SEMA6A: variants seen among roughly 807,000 people sequenced by gnomAD.
SEMA6A encodes semaphorin 6A.
A neutral mutation model predicts 96.8 loss-of-function variants in SEMA6A; 25 were observed. That is an observed-to-expected ratio of 0.26 (90% CI 0.19 to 0.36). The LOEUF is 0.36. Ranked by LOEUF, SEMA6A falls within the 10% of genes least tolerant of loss-of-function variation. The pLI is 1.00. For missense variants in SEMA6A, 1,363 were observed against 1,323.1 expected, an observed-to-expected ratio of 1.03 and a Z score of -0.47; for synonymous variants, 612 against 518.0, an observed-to-expected ratio of 1.18 and a Z score of -2.46.
Position 116,559,829 on chromosome 5 carries a change from C to T in SEMA6A, c.-39+14356G>A, listed in dbSNP as rs185319655. Reference sequence around the variant, plus strand: ...CTGGCCTCAAATCCTGTTGGCTGTACCATGCCAACATACCCAGAATCTGTT... The same window carrying T: ...CTGGCCTCAAATCCTGTTGGCTGTATCATGCCAACATACCCAGAATCTGTT... On this transcript the variant is annotated intron_variant, in intron 1 of 18. Coordinates refer to ENST00000343348, the MANE Select transcript of SEMA6A (RefSeq NM_020796.5). 4.6e-5 allele frequency among the ~76,000 whole-genome samples: 7 copies of T among 152,314 alleles called. No individual in the cohort carries two copies. In the East Asian group the frequency reaches 1.4e-3, roughly 29 times the overall value.
intron 16 of SEMA6A, 52 bp from the exon 17 acceptor site, chr5:116,473,145 G>C (rs1756252870): frequency 6.4e-7 from 1 of 1,552,698 alleles, no homozygotes; most frequent in Non-Finnish European, 8.7e-7. Flanking sequence ...GCTCTGCTTG[G>C]GGCGACTTAC....
At chr5:116,497,989 C>T (rs977816197) in intron 3 of SEMA6A, among the ~76,000 whole-genome samples, 1 of 152,182 alleles carries the variant, frequency 6.6e-6, no homozygotes, top group Non-Finnish European at 1.5e-5. Flanking sequence ...GTTTACATTT[C>T]TTGCTTCTGT....
chr5:116,556,877 T>G (rs954783732), intron 1 of SEMA6A, among the ~76,000 whole-genome samples: 1 of 152,208 alleles, frequency 6.6e-6, no homozygotes, highest in Non-Finnish European at 1.5e-5. Flanking sequence ...CAACGTTACC[T>G]TCATAATCCA....
chr5:116,487,998 GTTA>G, intron 9 of SEMA6A, 107 bp downstream of exon 9: 1 of 675,564 alleles, frequency 1.5e-6, no homozygotes, highest in Admixed American at 2.8e-5. Flanking sequence ...ACCGCACTCT[GTTA>G]TTAGATTTAT....
At chr5:116,475,388 ACTG>A (rs542737083) in intron 16 of SEMA6A, among the ~76,000 whole-genome samples, 154 bp downstream of exon 16, 178 of 152,326 alleles carry the variant, frequency 1.2e-3, no homozygotes, top group African/African-American at 4.2e-3. Flanking sequence ...TTTAGAACGC[ACTG>A]CTTTCTTTGT....
At chr5:116,511,825 T>C (rs1758419141) in intron 1 of SEMA6A, among the ~76,000 whole-genome samples, 1 of 152,198 alleles carries the variant, frequency 6.6e-6, no homozygotes, top group South Asian at 2.1e-4. Context: ...GCAGCCTCCC[T>C]CAACCGTGAT....
intron 18 of SEMA6A, among the ~76,000 whole-genome samples, chr5:116,458,996 A>C (rs1755196868): frequency 6.6e-6 from 1 of 152,122 alleles, no homozygotes; most frequent in Admixed American, 6.5e-5. Flanking sequence ...CCCTCAAAGA[A>C]AAGACGGAGA....
intron 18 of SEMA6A, among the ~76,000 whole-genome samples, chr5:116,448,822 A>C (rs1380689122): frequency 6.6e-6 from 1 of 151,524 alleles, no homozygotes; most frequent in African/African-American, 2.4e-5. Flanking sequence ...ATTTGAATGA[A>C]GCTTTCTCAC....
chr5:116,464,265 T>A (rs1328461424), intron 18 of SEMA6A, among the ~76,000 whole-genome samples: 2 of 152,156 alleles, frequency 1.3e-5, no homozygotes, highest in Non-Finnish European at 1.5e-5. Flanking sequence ...ATTTATCAAC[T>A]TGGTGATTAA....
intron 1 of SEMA6A, among the ~76,000 whole-genome samples, chr5:116,523,160 TAAGA>T (rs2112820646): frequency 6.6e-6 from 1 of 152,314 alleles, no homozygotes; most frequent in African/African-American, 2.4e-5. Flanking sequence ...AGCTAAGCAC[TAAGA>T]AAGGAGCAAA....
At chr5:116,502,577 T>A (rs1757937630) in intron 2 of SEMA6A, 1 of 426,004 alleles carries the variant, frequency 2.3e-6, no homozygotes, top group Non-Finnish European at 4.2e-6. Flanking sequence ...GTGTCACAAT[T>A]TTTGATTTGT....
At chr5:116,461,296 T>C (rs1201264006) in intron 18 of SEMA6A, among the ~76,000 whole-genome samples, 1 of 152,202 alleles carries the variant, frequency 6.6e-6, no homozygotes, top group African/African-American at 2.4e-5. Context: ...TTTTCCATTG[T>C]TGAGTGGAAG....
intron 18 of SEMA6A, chr5:116,449,936 TCA>T (rs1340491522): frequency 3.3e-5 from 5 of 152,334 alleles, no homozygotes; most frequent in African/African-American, 1.2e-4. Context: ...TGGCTGTAAC[TCA>T]CACCTTTTAT....
At chr5:116,524,834 A>G (rs1759147853) in intron 1 of SEMA6A, among the ~76,000 whole-genome samples, 1 of 151,270 alleles carries the variant, frequency 6.6e-6, no homozygotes, top group African/African-American at 2.4e-5. Flanking sequence ...TTTAGGGGTT[A>G]GGATCAGATG....
chr5:116,470,599 T>G (rs560044292), intron 17 of SEMA6A, among the ~76,000 whole-genome samples: 8 of 152,254 alleles, frequency 5.3e-5, no homozygotes, highest in African/African-American at 1.9e-4. Context: ...AGACACTAAA[T>G]CAATACAAGA....
chr5:116,484,252 A>G (rs1756931139), intron 10 of SEMA6A, among the ~76,000 whole-genome samples: 1 of 152,148 alleles, frequency 6.6e-6, no homozygotes. Context: ...GTATTTTCTG[A>G]TGCACCTCGT....
chr5:116,555,000 A>G (rs552387974), intron 1 of SEMA6A: 1 of 152,340 alleles, frequency 6.6e-6, no homozygotes, highest in South Asian at 2.1e-4. Flanking sequence ...CCATTTCACA[A>G]GAAACACCAA....
At chr5:116,480,801 CTTA>C (rs2112696308) in intron 11 of SEMA6A, among the ~76,000 whole-genome samples, 1 of 152,162 alleles carries the variant, frequency 6.6e-6, no homozygotes, top group African/African-American at 2.4e-5. Context: ...GGTTTTGTTT[CTTA>C]TTGTTGTTTT....
At chr5:116,480,457 G>A (rs573486862) in intron 11 of SEMA6A, among the ~76,000 whole-genome samples, 180 bp from the exon 12 acceptor site, 8 of 152,258 alleles carry the variant, frequency 5.3e-5, no homozygotes, top group African/African-American at 9.6e-5. Flanking sequence ...CCTCTGAGCC[G>A]CCTCCTCATT....
Sources: allele counts gnomAD v4.1 joint callset (sites outside exome capture counted in the v4.1 genomes callset), GRCh38; gene constraint gnomAD v4.1.1; transcripts MANE v1.5; gene names NCBI Gene and HGNC (gene_info 2026-07-23, HGNC 2026-07-21).